The following ROCK1 variants were observed in gnomAD, a reference collection of about 807,000 sequenced individuals.
The protein encoded by ROCK1 is Rho associated coiled-coil containing protein kinase 1.
ROCK1 carries 36 observed loss-of-function variants against 196.8 expected under a neutral mutation model. That is an observed-to-expected ratio of 0.18 (90% confidence interval 0.14 to 0.24). The LOEUF (loss-of-function observed/expected upper bound fraction) is 0.24. Ranked by LOEUF, ROCK1 falls within the 10% of genes least tolerant of loss-of-function variation. ROCK1 has a pLI of 1.00. For synonymous variants in ROCK1, 443 were observed against 515.9 expected (o/e 0.86, Z 1.91); for missense variants, 920 against 1,562.0 (o/e 0.59, Z 6.93).
chr18:21,015,979 C>CA (rs561684521), intron 12 of ROCK1, among the ~76,000 whole-genome samples: 74 of 127,026 alleles, frequency 5.8e-4, no homozygotes, highest in Middle Eastern at 4.0e-3. Context: ...GACTCCATCT[C>CA]AAAAAAAAAA....
chr18:21,058,512 G>A (rs978206120), intron 2 of ROCK1, among the ~76,000 whole-genome samples: 2 of 152,126 alleles, frequency 1.3e-5, no homozygotes, highest in Non-Finnish European at 2.9e-5. Flanking sequence ...TACTTTTAGA[G>A]TAGTGAAAGC....
chr18:21,109,887 C>T (rs2036734936), intron 1 of ROCK1, among the ~76,000 whole-genome samples: 1 of 152,116 alleles, frequency 6.6e-6, no homozygotes, highest in Non-Finnish European at 1.5e-5. Flanking sequence ...TCACCGAAGA[C>T]ATTGTGAAAT....
chr18:20,965,418 TAC>T (rs2035364599), intron 27 of ROCK1, among the ~76,000 whole-genome samples: 1 of 151,532 alleles, frequency 6.6e-6, no homozygotes, highest in Admixed American at 6.6e-5. Flanking sequence ...CATACATACA[TAC>T]ATACATACAT....
chr18:20,996,448 GAGTTA>G (rs1337454112), intron 16 of ROCK1, among the ~76,000 whole-genome samples: 2 of 152,184 alleles, frequency 1.3e-5, no homozygotes, highest in Admixed American at 6.5e-5. Flanking sequence ...GAGTATCTAA[GAGTTA>G]TTAGCCTTAA....
At chr18:21,078,410 G>C (rs1041968013) in intron 1 of ROCK1, among the ~76,000 whole-genome samples, 2 of 151,312 alleles carry the variant, frequency 1.3e-5, no homozygotes, top group Non-Finnish European at 2.9e-5. Flanking sequence ...AACCTAGTGT[G>C]GTAGGAGTTA....
intron 13 of ROCK1, among the ~76,000 whole-genome samples, chr18:21,013,830 A>G (rs1324680918): frequency 6.6e-6 from 1 of 152,032 alleles, no homozygotes; most frequent in African/African-American, 2.4e-5. Context: ...TTGGGAGGCC[A>G]AGGCGGGTGG....
chr18:21,028,440 CA>C (rs1313598736), intron 10 of ROCK1, among the ~76,000 whole-genome samples: 1 of 151,628 alleles, frequency 6.6e-6, no homozygotes, highest in Non-Finnish European at 1.5e-5. Flanking sequence ...CAAAACAAAA[CA>C]AAAAAAGTCT....
intron 22 of ROCK1, among the ~76,000 whole-genome samples, chr18:20,975,221 TG>T (rs940070863): frequency 6.6e-6 from 1 of 151,694 alleles, no homozygotes; most frequent in Non-Finnish European, 1.5e-5. Context: ...GGTAGTGGGG[TG>T]GGGATGTTTG....
At chr18:20,993,293 T>C (rs574983801) in intron 16 of ROCK1, among the ~76,000 whole-genome samples, 1 of 152,134 alleles carries the variant, frequency 6.6e-6, no homozygotes, top group Non-Finnish European at 1.5e-5. Flanking sequence ...AAGCTCTGCC[T>C]CCAGGTTCAC....
At chr18:21,072,798 C>G (rs1428905847) in intron 1 of ROCK1, among the ~76,000 whole-genome samples, 1 of 152,060 alleles carries the variant, frequency 6.6e-6, no homozygotes, top group East Asian at 1.9e-4. Context: ...AGGCCAGGCA[C>G]GGTGGTTCAC....
rs2143437483 is a variant in ROCK1, at chr18:21,006,499, C to T, written c.1737G>A (p.Glu579=). The part of the protein sequence containing the change: ...TEMSKSISQL[E]SLNRELQERN... ...TCTCTTGCAACTCTCTGTTCAGGGA[C>T]TCTAACTGACTAATTGACTTGCTCA... Residue 579 remains glutamate (E), a synonymous_variant, in exon 16 of 33, where the codon GAG becomes GAA. Transcript: ENST00000399799. 2 of 1,613,864 alleles carry T rather than the reference C, an allele frequency of 1.2e-6. No individual in the cohort carries two copies. The highest frequency in any genetic ancestry group is 3.3e-4 in the Middle Eastern group (2 of 6,058).
chr18:20,986,899 A>C, intron 19 of ROCK1, 51 bp downstream of exon 19: 4 of 1,465,944 alleles, frequency 2.7e-6, no homozygotes, highest in Non-Finnish European at 3.7e-6. Context: ...CATAACTTAT[A>C]TAACCGTTTC....
chr18:21,007,414 A>C (rs2035777687), intron 14 of ROCK1, among the ~76,000 whole-genome samples: 1 of 152,194 alleles, frequency 6.6e-6, no homozygotes, highest in Non-Finnish European at 1.5e-5. Flanking sequence ...AGATGTACTA[A>C]AATTTATTAC....
At chr18:20,951,623 A>T (rs1245811513) in intron 32 of ROCK1, among the ~76,000 whole-genome samples, 1 of 152,210 alleles carries the variant, frequency 6.6e-6, no homozygotes, top group Non-Finnish European at 1.5e-5. Context: ...GATCCAGTTT[A>T]CAACCTATGC....
intron 20 of ROCK1, 37 bp from the exon 21 acceptor site, chr18:20,982,869 C>T: frequency 2.2e-6 from 2 of 903,214 alleles, no homozygotes; most frequent in South Asian, 1.5e-5. Context: ...ACAAACGCTC[C>T]TACTTATACT....
At position 21,070,628 on chromosome 18, in the gene ROCK1, A is replaced by C. The variant is rs201157768; in HGVS notation, c.94-15T>G. On this transcript the variant is annotated splice_polypyrimidine_tract_variant and intron_variant, in intron 1 of 32. Coordinates refer to ENST00000399799, the MANE Select transcript of ROCK1 (RefSeq NM_005406.3). ...TCCAATCCATCCTAAAGAAACAAAC[A>C]AACAATGGTTAGTTTTTTGGATCAC... 8 of 1,567,206 alleles carry C rather than the reference A, an allele frequency of 5.1e-6. No homozygotes were observed. The Admixed American group carries it at 1.4e-4, about 28-fold the overall frequency.
intron 2 of ROCK1, among the ~76,000 whole-genome samples, chr18:21,050,553 T>C (rs1490893368): frequency 2.0e-5 from 3 of 152,172 alleles, no homozygotes; most frequent in African/African-American, 4.8e-5. Context: ...TAGATTAAAA[T>C]AGGGCTATTT....
chr18:21,101,000 A>T (rs1040667571), intron 1 of ROCK1, among the ~76,000 whole-genome samples: 1 of 152,138 alleles, frequency 6.6e-6, no homozygotes, highest in Non-Finnish European at 1.5e-5. Flanking sequence ...CCTTTACTTA[A>T]ACTCCCCTCA....
chr18:20,980,090 A>G, intron 21 of ROCK1, 86 bp from the exon 22 acceptor site: 4 of 1,373,414 alleles, frequency 2.9e-6, no homozygotes, highest in Non-Finnish European at 3.8e-6. Flanking sequence ...AAAAATTAAC[A>G]TATGATCCAA....
Sources: allele counts gnomAD v4.1 joint callset (sites outside exome capture counted in the v4.1 genomes callset), GRCh38; gene constraint gnomAD v4.1.1; transcripts MANE v1.5; gene names NCBI Gene and HGNC (gene_info 2026-07-23, HGNC 2026-07-21).